Variants in KCNQ5 observed in about 807,000 individuals in gnomAD.
The protein encoded by KCNQ5 is potassium voltage-gated channel subfamily KQT member 5.
KCNQ5 carries 30 observed loss-of-function variants against 98.2 expected under a neutral mutation model. That is an observed-to-expected ratio of 0.31 (90% CI 0.23 to 0.41). The LOEUF (loss-of-function observed/expected upper bound fraction) is 0.41. KCNQ5 is among the 10% of genes least tolerant of loss of function. The pLI, the probability that KCNQ5 is intolerant of heterozygous loss-of-function variation, is 1.00. For synonymous variants in KCNQ5, 458 were observed against 449.4 expected (o/e 1.02, Z -0.24); for missense variants, 835 against 1,182.5 (o/e 0.71, Z 4.31).
intron 10 of KCNQ5, chr6:73,157,743 GAAGT>G (rs1244498691): frequency 2.2e-5 from 17 of 778,146 alleles, no homozygotes; most frequent in Non-Finnish European, 3.6e-5. Context: ...CCCGAGCGAT[GAAGT>G]AAGTGTGCTC....
intron 1 of KCNQ5, among the ~76,000 whole-genome samples, chr6:72,734,863 T>C (rs1770746116): frequency 6.6e-6 from 1 of 152,218 alleles, no homozygotes; most frequent in African/African-American, 2.4e-5. Context: ...AGCTATAAAA[T>C]CAAGAGACTA....
chr6:73,031,924 A>G (rs1290509051), intron 2 of KCNQ5, among the ~76,000 whole-genome samples: 1 of 152,200 alleles, frequency 6.6e-6, no homozygotes, highest in Non-Finnish European at 1.5e-5. Flanking sequence ...AAGGGCAGCT[A>G]TAAGAACAGA....
chr6:72,631,823 GTTTT>G (rs144604671), intron 1 of KCNQ5, among the ~76,000 whole-genome samples: 5 of 151,970 alleles, frequency 3.3e-5, no homozygotes, highest in Non-Finnish European at 5.9e-5. Context: ...TAGAGAAGAA[GTTTT>G]TTTATCACAA....
At chr6:72,936,706 A>T (rs1432496393) in intron 1 of KCNQ5, among the ~76,000 whole-genome samples, 4 of 152,246 alleles carry the variant, frequency 2.6e-5, no homozygotes, top group Admixed American at 2.0e-4. Flanking sequence ...TCTGATTTTT[A>T]AAATTAATTA....
intron 1 of KCNQ5, among the ~76,000 whole-genome samples, chr6:72,903,196 T>A (rs936608988): frequency 6.6e-6 from 1 of 152,172 alleles, no homozygotes; most frequent in Non-Finnish European, 1.5e-5. Context: ...TTTCATTTCT[T>A]ATTGAGCTTA....
chr6:73,154,229 A>T (rs1041501610), intron 10 of KCNQ5, among the ~76,000 whole-genome samples: 3 of 152,122 alleles, frequency 2.0e-5, no homozygotes, highest in African/African-American at 7.2e-5. Context: ...CAGTGAGATG[A>T]TTTTTCTAAC....
At chr6:72,717,609 G>A (rs531335483) in intron 1 of KCNQ5, among the ~76,000 whole-genome samples, 1 of 152,240 alleles carries the variant, frequency 6.6e-6, no homozygotes, top group South Asian at 2.1e-4. Flanking sequence ...CTTTAATAAA[G>A]CCTTTATTCA....
At chr6:73,045,373 T>C (rs1771914732) in intron 3 of KCNQ5, among the ~76,000 whole-genome samples, 1 of 152,214 alleles carries the variant, frequency 6.6e-6, no homozygotes, top group Non-Finnish European at 1.5e-5. Context: ...CTTTGAAAAT[T>C]AGTAAAATCT....
At chr6:73,123,154 C>G (rs529507538) in intron 8 of KCNQ5, among the ~76,000 whole-genome samples, 1 of 138,998 alleles carries the variant, frequency 7.2e-6, no homozygotes, top group East Asian at 2.0e-4. Flanking sequence ...GAATCTCTGG[C>G]CTTGGGAAGT....
At chr6:73,071,010 ATAACT>A (rs1449170677) in intron 3 of KCNQ5, among the ~76,000 whole-genome samples, 4 of 152,198 alleles carry the variant, frequency 2.6e-5, no homozygotes, top group Non-Finnish European at 4.4e-5. Flanking sequence ...GTCATTCTAG[ATAACT>A]TAACTTCTGT....
chr6:73,050,591 A>C (rs1772187973), intron 3 of KCNQ5, among the ~76,000 whole-genome samples: 1 of 152,212 alleles, frequency 6.6e-6, no homozygotes, highest in Admixed American at 6.5e-5. Context: ...ACCAGTTTTT[A>C]CATGCGCTCA....
chr6:73,095,689 T>A (rs1774453953), intron 5 of KCNQ5, among the ~76,000 whole-genome samples: 1 of 152,172 alleles, frequency 6.6e-6, no homozygotes, highest in Non-Finnish European at 1.5e-5. Context: ...GATTGTTATC[T>A]ATCTTGTGGA....
intron 11 of KCNQ5, among the ~76,000 whole-genome samples, chr6:73,183,029 T>C (rs968711922): frequency 2.0e-5 from 3 of 152,098 alleles, no homozygotes; most frequent in African/African-American, 7.2e-5. Context: ...AAGGCAGATG[T>C]TTTCCAAGTA....
At chr6:73,129,719 A>C (rs1042035716) in intron 9 of KCNQ5, 1 of 1,305,170 alleles carries the variant, frequency 7.7e-7, no homozygotes, top group African/African-American at 1.5e-5. Flanking sequence ...CTTTGTTTTT[A>C]TAAAAGAATC....
At chr6:73,161,080 G>A (rs1219448146) in intron 10 of KCNQ5, among the ~76,000 whole-genome samples, 1 of 152,156 alleles carries the variant, frequency 6.6e-6, no homozygotes, top group African/African-American at 2.4e-5. Flanking sequence ...GTCAGTGAAT[G>A]AATAAAGAAA....
chr6:73,093,137 G>T (rs1323922311), intron 5 of KCNQ5, among the ~76,000 whole-genome samples: 1 of 152,060 alleles, frequency 6.6e-6, no homozygotes, highest in East Asian at 1.9e-4. Flanking sequence ...AACTAGGAGG[G>T]TTGTATTTTT....
intron 1 of KCNQ5, among the ~76,000 whole-genome samples, chr6:73,000,032 T>C (rs1210034388): frequency 6.6e-6 from 1 of 152,066 alleles, no homozygotes; most frequent in South Asian, 2.1e-4. Flanking sequence ...GACCGTGGAC[T>C]CTACATTAGG....
chr6:72,671,504 A>G (rs956220915), intron 1 of KCNQ5, among the ~76,000 whole-genome samples: 1 of 152,198 alleles, frequency 6.6e-6, no homozygotes, highest in Non-Finnish European at 1.5e-5. Flanking sequence ...CTTGTTTTCT[A>G]GAGAGACAAG....
intron 1 of KCNQ5, among the ~76,000 whole-genome samples, chr6:72,849,740 A>G (rs1322732104): frequency 6.6e-6 from 1 of 152,208 alleles, no homozygotes; most frequent in Non-Finnish European, 1.5e-5. Flanking sequence ...GTCCTCTTCA[A>G]GAGGATTCAT....
Sources: gnomAD v4.1 joint callset for allele counts (sites outside exome capture counted in the v4.1 genomes callset) on GRCh38, gnomAD v4.1.1 for gene constraint, MANE v1.5 for transcripts, NCBI Gene and HGNC (gene_info 2026-07-23, HGNC 2026-07-21) for gene names.